The following HDAC9 variants were observed in gnomAD, a reference collection of about 807,000 sequenced individuals.
The protein encoded by HDAC9 is histone deacetylase 9.
In HDAC9, 41 loss-of-function variants were observed where a neutral mutation model predicts 139.4. The observed-to-expected ratio is 0.29, with a 90% confidence interval of 0.23 to 0.38. HDAC9 has a LOEUF of 0.38. HDAC9 is among the 10% of genes least tolerant of loss of function. The probability of loss-of-function intolerance (pLI) is 1.00; values close to 1 mark genes in which losing one functional copy is unlikely to be tolerated. For synonymous variants in HDAC9, 517 were observed against 476.2 expected (o/e 1.09, Z -1.12); for missense variants, 1,147 against 1,297.0 (o/e 0.88, Z 1.78).
intron 1 of HDAC9, among the ~76,000 whole-genome samples, chr7:18,111,512 G>T (rs562234474): frequency 6.6e-6 from 1 of 152,308 alleles, no homozygotes; most frequent in East Asian, 1.9e-4. Context: ...ACCAATATCA[G>T]TGGATGCCCA....
intron 1 of HDAC9, among the ~76,000 whole-genome samples, chr7:18,366,371 A>G (rs1395892311): frequency 1.3e-5 from 2 of 152,114 alleles, no homozygotes; most frequent in Non-Finnish European, 2.9e-5. Flanking sequence ...TTGGGAATAA[A>G]AGTTTCTGGA....
At chr7:18,889,127 C>G (rs753010295) in intron 22 of HDAC9, among the ~76,000 whole-genome samples, 3 of 152,180 alleles carry the variant, frequency 2.0e-5, no homozygotes, top group Non-Finnish European at 4.4e-5. Flanking sequence ...TCTGCCAACC[C>G]TTTTTTCACT....
At chr7:18,679,385 A>G (rs979006405) in intron 12 of HDAC9, among the ~76,000 whole-genome samples, 3 of 151,986 alleles carry the variant, frequency 2.0e-5, no homozygotes, top group Admixed American at 1.3e-4. Context: ...TACATTGGTT[A>G]AACTATGTGA....
intron 22 of HDAC9, chr7:18,892,099 G>C (rs533863121): frequency 6.6e-6 from 1 of 152,286 alleles, no homozygotes; most frequent in African/African-American, 2.4e-5. Context: ...GAAATAGTGA[G>C]CTTTCAAGGA....
chr7:18,528,666 A>ATT (rs1807757917), intron 2 of HDAC9, among the ~76,000 whole-genome samples: 1 of 152,164 alleles, frequency 6.6e-6, no homozygotes, highest in African/African-American at 2.4e-5. Context: ...AATTTTACCA[A>ATT]TTTACAAATA....
At chr7:18,551,345 T>A (rs535840589) in intron 2 of HDAC9, among the ~76,000 whole-genome samples, 7 of 152,148 alleles carry the variant, frequency 4.6e-5, no homozygotes, top group Non-Finnish European at 8.8e-5. Context: ...AGGGCAGAGA[T>A]ACATATCTGA....
chr7:18,213,261 G>C (rs1792074733), intron 2 of HDAC9, among the ~76,000 whole-genome samples: 1 of 152,226 alleles, frequency 6.6e-6, no homozygotes, highest in African/African-American at 2.4e-5. Context: ...TTGGCATTTA[G>C]AGAATGATGA....
At position 18,629,521 on chromosome 7, in the gene HDAC9, G is replaced by A. The variant is rs1301829713; in HGVS notation, c.796+40G>A. On this transcript the variant is annotated intron_variant, in intron 7 of 25. Transcript: ENST00000686413. Reference sequence around the variant, plus strand: ...GGCAGACCTATGAATGCTGGGAGTAGGAATGAAAAAAAAATAGTTTAGAAT... The same window carrying A: ...GGCAGACCTATGAATGCTGGGAGTAAGAATGAAAAAAAAATAGTTTAGAAT... The A allele has an allele frequency of 6.4e-6, 10 of 1,553,016 alleles. No homozygotes were observed. The Admixed American group carries it at 8.1e-5, about 13-fold the overall frequency.
intron 22 of HDAC9, among the ~76,000 whole-genome samples, chr7:18,900,131 C>T (rs1220402516): frequency 6.6e-6 from 1 of 152,008 alleles, no homozygotes; most frequent in South Asian, 2.1e-4. Context: ...TGAATACATA[C>T]AAGAATTTTG....
At chr7:18,767,001 C>T (rs765234398) in intron 15 of HDAC9, 105 bp from the exon 16 acceptor site, 11 of 492,100 alleles carry the variant, frequency 2.2e-5, no homozygotes, top group Middle Eastern at 4.7e-4. Flanking sequence ...TTGCATCAAA[C>T]GATAAATACC....
At chr7:18,450,161 G>T (rs1792681901) in intron 1 of HDAC9, among the ~76,000 whole-genome samples, 1 of 152,198 alleles carries the variant, frequency 6.6e-6, no homozygotes, top group South Asian at 2.1e-4. Flanking sequence ...TCTGTGGAAT[G>T]AATTAATGTT....
chr7:18,251,074 C>G (rs924443454), intron 2 of HDAC9, among the ~76,000 whole-genome samples: 42 of 152,112 alleles, frequency 2.8e-4, no homozygotes, highest in African/African-American at 9.4e-4. Flanking sequence ...CATTGCAGCA[C>G]TATTCACAAT....
At chr7:18,853,830 T>A (rs1160512489) in intron 21 of HDAC9, among the ~76,000 whole-genome samples, 2 of 152,176 alleles carry the variant, frequency 1.3e-5, no homozygotes, top group Non-Finnish European at 2.9e-5. Context: ...GAATACATTT[T>A]AAAAAATTAG....
intron 2 of HDAC9, among the ~76,000 whole-genome samples, chr7:18,263,632 C>T (rs926451755): frequency 6.7e-5 from 10 of 148,230 alleles, no homozygotes; most frequent in African/African-American, 1.5e-4. Context: ...TTTTTGAGAC[C>T]GAGTCTTGCT....
intron 1 of HDAC9, among the ~76,000 whole-genome samples, chr7:18,128,244 A>G (rs1784794274): frequency 6.6e-6 from 1 of 152,108 alleles, no homozygotes; most frequent in African/African-American, 2.4e-5. Flanking sequence ...TTGTTTTATT[A>G]TCTAGTTACC....
intron 1 of HDAC9, among the ~76,000 whole-genome samples, chr7:18,373,236 C>T (rs1016770417): frequency 2.2e-4 from 33 of 151,962 alleles, no homozygotes; most frequent in Admixed American, 1.6e-3. Flanking sequence ...TGAGCACTAA[C>T]GAGTAAGAAA....
intron 2 of HDAC9, among the ~76,000 whole-genome samples, chr7:18,257,382 C>CTT (rs1357595442): frequency 6.9e-6 from 1 of 144,686 alleles, no homozygotes; most frequent in Non-Finnish European, 1.5e-5. Context: ...CTCTCTCTCT[C>CTT]TCTCTCTCTC....
chr7:18,867,334 C>A (rs1360682824), intron 21 of HDAC9, among the ~76,000 whole-genome samples: 1 of 152,208 alleles, frequency 6.6e-6, no homozygotes, highest in Non-Finnish European at 1.5e-5. Context: ...ATATCCAGTA[C>A]TTGGTCCCAT....
At chr7:18,705,258 C>G (rs1409471442) in intron 12 of HDAC9, among the ~76,000 whole-genome samples, 4 of 152,102 alleles carry the variant, frequency 2.6e-5, no homozygotes, top group Non-Finnish European at 4.4e-5. Context: ...TGCGGGAGCT[C>G]TTCTGTTCAT....
Sources: gnomAD v4.1 joint callset for allele counts (sites outside exome capture counted in the v4.1 genomes callset) on GRCh38, gnomAD v4.1.1 for gene constraint, MANE v1.5 for transcripts, NCBI Gene and HGNC (gene_info 2026-07-23, HGNC 2026-07-21) for gene names.